EYS: variants seen among roughly 807,000 people sequenced by gnomAD.
EYS encodes the protein protein eyes shut homolog.
In EYS, 250 loss-of-function variants were observed where a neutral mutation model predicts 282.1. The ratio of observed to expected loss-of-function variants is 0.89; its 90% CI spans 0.80 to 0.98. EYS has a LOEUF of 0.98. Among genes scored for constraint, EYS ranks in the 50% least tolerant of loss-of-function variants. EYS has a pLI of 0.00. For synonymous variants in EYS, 1,355 were observed against 1,282.9 expected (o/e 1.06, Z -1.20); for missense variants, 4,016 against 3,709.0 (o/e 1.08, Z -2.15).
chr6:64,039,282 GT>G (rs1168726016), intron 33 of EYS, among the ~76,000 whole-genome samples: 1 of 152,148 alleles, frequency 6.6e-6, no homozygotes. Flanking sequence ...AAGTATTATT[GT>G]GATGGTTACT....
intron 30 of EYS, among the ~76,000 whole-genome samples, chr6:64,305,353 ATT>A (rs55666848): frequency 8.0e-5 from 12 of 150,502 alleles, no homozygotes; most frequent in East Asian, 3.9e-4. Context: ...AATCCCAGTG[ATT>A]TTTTTTTTTC....
At chr6:64,480,711 T>G (rs1776412787) in intron 26 of EYS, among the ~76,000 whole-genome samples, 1 of 151,816 alleles carries the variant, frequency 6.6e-6, no homozygotes, top group Admixed American at 6.6e-5. Context: ...AGGCAGAATG[T>G]CATGTAATTT....
chr6:64,354,369 T>TTA (rs1446078399), intron 29 of EYS, among the ~76,000 whole-genome samples: 1 of 151,632 alleles, frequency 6.6e-6, no homozygotes, highest in African/African-American at 2.4e-5. Flanking sequence ...TTCCTTTTTG[T>TTA]TAAAGTGTTA....
chr6:64,816,653 C>G (rs776829035), intron 21 of EYS, among the ~76,000 whole-genome samples: 26 of 151,960 alleles, frequency 1.7e-4, no homozygotes, highest in Middle Eastern at 3.2e-3. Context: ...GATACATATA[C>G]CAATAAGTAA....
intron 1 of EYS, among the ~76,000 whole-genome samples, chr6:65,666,920 A>G (rs1311515501): frequency 6.6e-6 from 1 of 150,558 alleles, no homozygotes; most frequent in Non-Finnish European, 1.5e-5. Flanking sequence ...TAAAAAATAT[A>G]AAAAATAGAA....
chr6:64,366,396 A>T (rs775937113), intron 29 of EYS, among the ~76,000 whole-genome samples: 11 of 152,014 alleles, frequency 7.2e-5, no homozygotes, highest in Non-Finnish European at 1.3e-4. Context: ...TAGGTGAGAA[A>T]GAGAGAGAGA....
In EYS at chr6:64,011,218, T is replaced by C. The variant is rs1487437465; in HGVS notation, c.6726-12035A>G. Among the ~76,000 whole-genome samples the C allele has an allele frequency of 2.0e-5, 3 of 152,214 alleles. No individual in the cohort carries two copies. In the South Asian group the frequency reaches 6.2e-4, roughly 32 times the overall value. On this transcript the variant is annotated intron_variant, in intron 33 of 42. Coordinates refer to ENST00000503581, the MANE Select transcript of EYS (RefSeq NM_001142800.2). The stretch of plus-strand genomic sequence containing the variant: ...TTGAACTTGCCTTCATGTTTTCAGT[T>C]TTCTTCCTTTATTTTTTCTATCACT...
intron 33 of EYS, among the ~76,000 whole-genome samples, chr6:64,044,700 A>G (rs1770541756): frequency 6.6e-6 from 1 of 152,014 alleles, no homozygotes; most frequent in Admixed American, 6.6e-5. Flanking sequence ...TTTCTTTTTT[A>G]CTGTTGCTTA....
intron 5 of EYS, among the ~76,000 whole-genome samples, chr6:65,443,725 CATACGTGCATATACACATATATACA>C (rs1420706028): frequency 9.2e-5 from 5 of 54,638 alleles, no homozygotes; most frequent in African/African-American, 2.6e-4. Flanking sequence ...CATATATACA[CATACGTGCATATACACATATATACA>C]CATACGTGCA....
chr6:65,627,737 G>T (rs530288556), intron 2 of EYS, among the ~76,000 whole-genome samples: 2 of 152,316 alleles, frequency 1.3e-5, no homozygotes, highest in Admixed American at 1.3e-4. Context: ...CCAGCCCACC[G>T]ATGCTGCGCT....
chr6:64,692,345 A>T (rs1770418264), intron 22 of EYS, among the ~76,000 whole-genome samples: 1 of 150,688 alleles, frequency 6.6e-6, no homozygotes, highest in South Asian at 2.1e-4. Flanking sequence ...TAACGGGGTT[A>T]TTAGTTAAAT....
intron 26 of EYS, among the ~76,000 whole-genome samples, chr6:64,532,546 A>T (rs2150532835): frequency 6.6e-6 from 1 of 152,092 alleles, no homozygotes; most frequent in East Asian, 1.9e-4. Flanking sequence ...CGTCTCTACT[A>T]AAAATACAAA....
At chr6:63,836,292 G>T (rs1414244305) in intron 36 of EYS, among the ~76,000 whole-genome samples, 2 of 151,904 alleles carry the variant, frequency 1.3e-5, no homozygotes, top group African/African-American at 4.8e-5. Context: ...TGGTAAAACA[G>T]AAATTCTGTT....
chr6:63,934,671 T>C (rs1378950628), intron 35 of EYS, among the ~76,000 whole-genome samples: 1 of 148,960 alleles, frequency 6.7e-6, no homozygotes, highest in Non-Finnish European at 1.5e-5. Context: ...ACACTGCATG[T>C]TCTCGCTCAT....
chr6:64,829,416 C>A (rs1765151755), intron 19 of EYS, among the ~76,000 whole-genome samples: 1 of 151,918 alleles, frequency 6.6e-6, no homozygotes, highest in Admixed American at 6.6e-5. Flanking sequence ...GGAACAGAGA[C>A]CATAGCCACT....
intron 5 of EYS, among the ~76,000 whole-genome samples, chr6:65,418,986 T>G (rs1337701090): frequency 6.6e-6 from 1 of 151,984 alleles, no homozygotes; most frequent in African/African-American, 2.4e-5. Flanking sequence ...GGGGCTTGCC[T>G]AATCTCTGGC....
At chr6:64,092,461 G>T (rs1183632400) in intron 31 of EYS, among the ~76,000 whole-genome samples, 1 of 151,346 alleles carries the variant, frequency 6.6e-6, no homozygotes, top group Non-Finnish European at 1.5e-5. Context: ...GTGTGAGATG[G>T]TATCTCATTG....
chr6:65,434,952 T>C (rs1031228954), intron 5 of EYS, among the ~76,000 whole-genome samples: 1 of 152,012 alleles, frequency 6.6e-6, no homozygotes, highest in African/African-American at 2.4e-5. Context: ...ATACATAGGC[T>C]CTTGGGGACA....
At chr6:64,655,578 A>G (rs955604792) in intron 22 of EYS, among the ~76,000 whole-genome samples, 3 of 152,050 alleles carry the variant, frequency 2.0e-5, no homozygotes, top group South Asian at 2.1e-4. Context: ...TGCTATATAT[A>G]TGTGTCTTAT....
Sources: gnomAD v4.1 joint callset for allele counts (sites outside exome capture counted in the v4.1 genomes callset) on GRCh38, gnomAD v4.1.1 for gene constraint, MANE v1.5 for transcripts, NCBI Gene and HGNC (gene_info 2026-07-23, HGNC 2026-07-21) for gene names.